BCAS3: variants seen among roughly 807,000 people sequenced by gnomAD.
The protein encoded by BCAS3 is BCAS4/BCAS3 fusion.
In BCAS3, 53 loss-of-function variants were observed where a neutral mutation model predicts 116.1. The observed-to-expected ratio is 0.46, with a 90% CI of 0.37 to 0.57. The LOEUF (loss-of-function observed/expected upper bound fraction) is 0.57. Ranked by LOEUF, BCAS3 falls within the 20% of genes least tolerant of loss-of-function variation. BCAS3 has a pLI of 0.00. For synonymous variants in BCAS3, 391 were observed against 408.2 expected (o/e 0.96, Z 0.51); for missense variants, 917 against 1,165.4 (o/e 0.79, Z 3.10).
At chr17:61,015,618 C>T in intron 15 of BCAS3, 133 bp from the exon 16 acceptor site, 1 of 879,748 alleles carries the variant, frequency 1.1e-6, no homozygotes, top group Non-Finnish European at 1.8e-6. Flanking sequence ...AATTGTAATT[C>T]TCTTGGCATC....
rs1027378849 is a variant in BCAS3, at chr17:61,049,730, CTTTTT to C, written c.2029+8853_2029+8857del. On this transcript the variant is annotated intron_variant, in intron 19 of 23. Coordinates refer to ENST00000407086, the MANE Select transcript of BCAS3 (RefSeq NM_017679.5). Reference sequence around the variant, plus strand: ...TTTTTCTTTTCTTTTCTTTTCTTTTCTTTTTTTTTTTTTTTTTTTGAGACGGAGTT... The same window carrying C: ...TTTTTCTTTTCTTTTCTTTTCTTTTCTTTTTTTTTTTTTTGAGACGGAGTT... Among the ~76,000 whole-genome samples, 6 of 120,814 alleles carry C rather than the reference CTTTTT, an allele frequency of 5.0e-5. No homozygotes were observed. In the East Asian group the frequency reaches 1.1e-3, roughly 23 times the overall value. 79.3% of individuals were successfully genotyped at this position (120,814 alleles called of 152,430 possible).
chr17:60,720,046 T>A (rs2039065237), intron 5 of BCAS3: 1 of 152,242 alleles, frequency 6.6e-6, no homozygotes, highest in Non-Finnish European at 1.5e-5. Context: ...TTATAAGTAA[T>A]AAAGGGTTCT....
At chr17:61,086,980 G>C (rs1304925195) in intron 22 of BCAS3, 10 of 985,340 alleles carry the variant, frequency 1.0e-5, no homozygotes, top group Non-Finnish European at 1.1e-5. Context: ...TTCTACATCT[G>C]TGGAAAACAA....
In BCAS3 at chr17:61,259,033, T is replaced by G. The variant is rs7217284; in HGVS notation, c.2426-109294T>G. Reference sequence around the variant, plus strand: ...TATCAGTGCCCTTCTCTCCTAAACATCTTGCTTAAATGCCAGAAGTAAACT... The same window carrying G: ...TATCAGTGCCCTTCTCTCCTAAACAGCTTGCTTAAATGCCAGAAGTAAACT... On this transcript the variant is annotated intron_variant, in intron 22 of 23. Coordinates refer to ENST00000407086, the MANE Select transcript of BCAS3 (RefSeq NM_017679.5). This position sits in a 1 kb window ranked among gnomAD's most constrained non-coding sequence, Gnocchi z 4.7. Among the ~76,000 whole-genome samples the G allele has an allele frequency of 0.18, 27,476 of 152,128 alleles. 4,249 individuals carry two copies. The highest frequency in any genetic ancestry group is 0.43 in the African/African-American group (17,666 of 41,442).
At chr17:60,689,572 A>T (rs562037929) in intron 3 of BCAS3, 114 bp from the exon 4 acceptor site, 8 of 597,094 alleles carry the variant, frequency 1.3e-5, no homozygotes, top group Non-Finnish European at 2.9e-6. Context: ...ACCAAGATGT[A>T]GGGTTGGTGA....
intron 21 of BCAS3, 133 bp downstream of exon 21, chr17:61,078,662 G>GTAAT (rs1203249813): frequency 2.9e-6 from 2 of 701,102 alleles, no homozygotes; most frequent in African/African-American, 1.8e-5. Context: ...ACTGTTGCAC[G>GTAAT]TAATTCCCTG....
At chr17:61,179,908 T>C (rs1350487089) in intron 22 of BCAS3, among the ~76,000 whole-genome samples, 1 of 151,140 alleles carries the variant, frequency 6.6e-6, no homozygotes, top group Non-Finnish European at 1.5e-5. Flanking sequence ...CCCAATTTGT[T>C]ATAGGCCTAG....
chr17:60,736,221 T>A (rs114727855), intron 5 of BCAS3, among the ~76,000 whole-genome samples: 4,821 of 152,118 alleles, frequency 0.032, 241 homozygotes, highest in African/African-American at 0.11. Context: ...CTTATTATAC[T>A]TTGTTGGGTT....
At chr17:60,751,645 C>T (rs778023573) in intron 6 of BCAS3, among the ~76,000 whole-genome samples, 14 of 151,304 alleles carry the variant, frequency 9.3e-5, no homozygotes, top group South Asian at 2.1e-4. Context: ...TGGGTTTAAG[C>T]GATTCTCCTG....
intron 7 of BCAS3, among the ~76,000 whole-genome samples, chr17:60,817,845 A>C (rs966705907): frequency 8.0e-5 from 12 of 150,072 alleles, no homozygotes; most frequent in Non-Finnish European, 1.6e-4. Context: ...ACTTTGAGAA[A>C]AGCAAAATAA....
At chr17:61,044,463 A>ATATATATATATATATATATATATATATAT (rs1254737769) in intron 19 of BCAS3, among the ~76,000 whole-genome samples, 3 of 125,504 alleles carry the variant, frequency 2.4e-5, no homozygotes, top group African/African-American at 1.5e-4. Context: ...AAAAAAAAAA[A>ATATATATATATATATATATATATATATAT]AAATATATAT....
At chr17:60,737,875 C>G (rs1469007193) in intron 5 of BCAS3, among the ~76,000 whole-genome samples, 4 of 152,092 alleles carry the variant, frequency 2.6e-5, no homozygotes, top group African/African-American at 9.7e-5. Context: ...CAACCCTTGC[C>G]TCTTCGGTTC....
chr17:61,100,459 C>T (rs1440792735), intron 22 of BCAS3, among the ~76,000 whole-genome samples: 1 of 152,112 alleles, frequency 6.6e-6, no homozygotes, highest in African/African-American at 2.4e-5. Context: ...GAAACATGTT[C>T]TTAATCTTTC....
chr17:60,706,927 A>C (rs1407291385), intron 4 of BCAS3, among the ~76,000 whole-genome samples: 1 of 148,736 alleles, frequency 6.7e-6, no homozygotes, highest in Non-Finnish European at 1.5e-5. Flanking sequence ...CTATCTTCCC[A>C]TTTCAGTCTC....
intron 9 of BCAS3, among the ~76,000 whole-genome samples, chr17:60,880,725 T>G (rs1188040549): frequency 1.3e-5 from 2 of 152,242 alleles, no homozygotes. Flanking sequence ...TATGAACATT[T>G]AGCTACAAGT....
chr17:60,999,748 G>T (rs1009788562), intron 15 of BCAS3, among the ~76,000 whole-genome samples: 1 of 152,026 alleles, frequency 6.6e-6, no homozygotes, highest in African/African-American at 2.4e-5. Flanking sequence ...GGGTGATAAT[G>T]GACATTTTAA....
At position 61,392,020 on chromosome 17, in the gene BCAS3, A is replaced by G; in HGVS notation, c.2637A>G (p.Ser879=). Residue 879 remains serine, a synonymous_variant, in exon 24 of 24, where the codon TCA becomes TCG. Transcript: ENST00000407086. The surrounding 1 kb of genome is among the most constrained non-coding windows in gnomAD (Gnocchi z 6.4). ...GCATCGAGACTCTGAGTAACAGCTCAGGCTCCACCAGCGGCAGCATACCAA... is the reference window on the plus strand; with the variant it reads ...GCATCGAGACTCTGAGTAACAGCTCGGGCTCCACCAGCGGCAGCATACCAA... ...EGSIETLSNS[S]GSTSGSIPRN... is the part of the protein sequence containing the mutation. 1 of 1,613,900 alleles carries G rather than the reference A, an allele frequency of 6.2e-7. No homozygotes were observed. The highest frequency in any genetic ancestry group is 8.5e-7 in the Non-Finnish European group (1 of 1,179,980).
intron 19 of BCAS3, among the ~76,000 whole-genome samples, chr17:61,045,416 T>C (rs959768800): frequency 1.6e-4 from 24 of 150,312 alleles, no homozygotes; most frequent in African/African-American, 5.6e-4. Flanking sequence ...CAGGCTGAGG[T>C]AGGAGGATCA....
At chr17:60,898,605 G>A (rs1236561865) in intron 10 of BCAS3, among the ~76,000 whole-genome samples, 2 of 152,122 alleles carry the variant, frequency 1.3e-5, no homozygotes, top group Non-Finnish European at 2.9e-5. Flanking sequence ...TGGGCTGAGT[G>A]TGCCTATCCT....
Sources: gnomAD v4.1 joint callset for allele counts (sites outside exome capture counted in the v4.1 genomes callset) on GRCh38, gnomAD v4.1.1 for gene constraint, Gnocchi (gnomAD v3.1) non-coding constraint, MANE v1.5 for transcripts, NCBI Gene and HGNC (gene_info 2026-07-23, HGNC 2026-07-21) for gene names.